Variants in AGBL1 observed in about 807,000 individuals in gnomAD.
AGBL1 encodes AGBL carboxypeptidase 1, also known as cytosolic carboxypeptidase 4.
In AGBL1, 130 loss-of-function variants were observed where a neutral mutation model predicts 118.9. The observed-to-expected ratio is 1.09, with a 90% confidence interval of 0.95 to 1.26. The LOEUF is 1.26. Among genes scored for constraint, AGBL1 ranks in the 50% most tolerant of loss-of-function variants. The probability of loss-of-function intolerance (pLI) is 0.00; values close to 1 mark genes in which losing one functional copy is unlikely to be tolerated. For missense variants in AGBL1, 1,584 were observed against 1,298.1 expected, an observed-to-expected ratio of 1.22 and a Z score of -3.38; for synonymous variants, 555 against 478.9, an observed-to-expected ratio of 1.16 and a Z score of -2.08.
In AGBL1 at chr15:86,572,737, T is replaced by C. The variant is rs371355530; in HGVS notation, c.2994+18200T>C. Among the ~76,000 whole-genome samples the C allele has an allele frequency of 2.3e-3, 357 of 152,312 alleles. 9 individuals are homozygous for C. In the South Asian group the frequency reaches 0.07, roughly 30 times the overall value. On this transcript the variant is annotated intron_variant, in intron 21 of 22. Transcript: ENST00000614907. ...CAGCTGCTCCCGCAGCTTCTCCAGC[T>C]GCCACCGCCTGCGCTTCGCTGCTTC...
At chr15:86,980,510 CAAT>C (rs2141720417) in intron 23 of AGBL1, among the ~76,000 whole-genome samples, 1 of 152,244 alleles carries the variant, frequency 6.6e-6, no homozygotes, top group East Asian at 1.9e-4. Context: ...AATCCTCTGT[CAAT>C]GATACTTAAA....
chr15:86,443,665 C>T (rs1317666676), intron 18 of AGBL1, among the ~76,000 whole-genome samples: 1 of 152,188 alleles, frequency 6.6e-6, no homozygotes, highest in African/African-American at 2.4e-5. Context: ...ATGAGATCAA[C>T]ATTTTTAGCT....
At chr15:86,147,604 G>A (rs1423185999) in intron 3 of AGBL1, among the ~76,000 whole-genome samples, 1 of 152,162 alleles carries the variant, frequency 6.6e-6, no homozygotes, top group African/African-American at 2.4e-5. Flanking sequence ...ACAAAGCCGG[G>A]AAGCTCCAAC....
intron 18 of AGBL1, among the ~76,000 whole-genome samples, chr15:86,489,248 A>T (rs2082749507): frequency 6.6e-6 from 1 of 152,082 alleles, no homozygotes; most frequent in Non-Finnish European, 1.5e-5. Context: ...ATTTGCTTTT[A>T]TATTTGCAGG....
chr15:86,505,896 A>T (rs2082971101), intron 18 of AGBL1, among the ~76,000 whole-genome samples: 1 of 151,970 alleles, frequency 6.6e-6, no homozygotes, highest in Non-Finnish European at 1.5e-5. Flanking sequence ...TAATGTTGCA[A>T]TTCTGGAAAT....
intron 3 of AGBL1, among the ~76,000 whole-genome samples, chr15:86,148,113 C>T (rs1194866409): frequency 6.6e-6 from 1 of 152,196 alleles, no homozygotes. Context: ...TACACCAAAA[C>T]CTCATCTGTA....
At chr15:86,651,376 A>G (rs2085366433) in intron 21 of AGBL1, among the ~76,000 whole-genome samples, 1 of 152,198 alleles carries the variant, frequency 6.6e-6, no homozygotes, top group Admixed American at 6.5e-5. Flanking sequence ...ACACTTCTGT[A>G]TCAAAGAGAT....
intron 22 of AGBL1, among the ~76,000 whole-genome samples, chr15:86,881,596 CAT>C (rs1220478185): frequency 6.6e-6 from 1 of 152,114 alleles, no homozygotes; most frequent in Non-Finnish European, 1.5e-5. Context: ...AATACCTTTA[CAT>C]GGCCAGGGGA....
chr15:86,749,208 C>T (rs1157996802), intron 22 of AGBL1, among the ~76,000 whole-genome samples: 2 of 152,104 alleles, frequency 1.3e-5, no homozygotes, highest in Non-Finnish European at 2.9e-5. Context: ...TGTAGTTCTC[C>T]TTGAAGAGGT....
chr15:86,278,881 G>T (rs146303409), intron 15 of AGBL1, among the ~76,000 whole-genome samples: 1 of 152,260 alleles, frequency 6.6e-6, no homozygotes, highest in East Asian at 1.9e-4. Context: ...ATCAAAATTG[G>T]TTCTTCATCT....
chr15:86,493,014 C>T (rs185859370), intron 18 of AGBL1, among the ~76,000 whole-genome samples: 5 of 152,146 alleles, frequency 3.3e-5, no homozygotes, highest in East Asian at 2.0e-4. Context: ...GCCAACATGG[C>T]GAAACCTCAC....
intron 22 of AGBL1, among the ~76,000 whole-genome samples, chr15:86,747,399 A>T (rs1301413875): frequency 6.6e-6 from 1 of 152,172 alleles, no homozygotes; most frequent in Non-Finnish European, 1.5e-5. Context: ...TAAAAATAAT[A>T]AAACATACAA....
At chr15:86,580,374 CAT>C (rs1277864064) in intron 21 of AGBL1, among the ~76,000 whole-genome samples, 1 of 151,752 alleles carries the variant, frequency 6.6e-6, no homozygotes, top group African/African-American at 2.4e-5. Context: ...ACTATGTATA[CAT>C]ATATATATAT....
At chr15:86,304,292 C>G (rs16975487) in intron 17 of AGBL1, among the ~76,000 whole-genome samples, 5,485 of 152,242 alleles carry the variant, frequency 0.036, 347 homozygotes, top group African/African-American at 0.13. Context: ...CACTGGGTCT[C>G]TATATCTGCT....
At chr15:86,948,046 T>C (rs545222166) in intron 23 of AGBL1, among the ~76,000 whole-genome samples, 2 of 152,190 alleles carry the variant, frequency 1.3e-5, no homozygotes, top group Non-Finnish European at 2.9e-5. Context: ...GCCTTTCAAT[T>C]CTGCAATTCT....
chr15:86,554,331 A>T, intron 20 of AGBL1, 30 bp from the exon 21 acceptor site: 1 of 1,519,014 alleles, frequency 6.6e-7, no homozygotes, highest in Non-Finnish European at 8.9e-7. Context: ...CCCACAACTA[A>T]TCATCGTTTG....
rs546751798 is a variant in AGBL1, at chr15:86,884,662, AT to A, written c.3159-22424del. ...CCCTTCCTCTACCAAAAATACCAAA[AT>A]CAGCCAGATCTGGTGGTGTGCACCT... On this transcript the variant is annotated intron_variant, in intron 22 of 22. Transcript: ENST00000614907. 5.3e-5 allele frequency among the ~76,000 whole-genome samples: 8 copies of A among 152,160 alleles called. No homozygotes were observed. In the South Asian group the frequency reaches 1.7e-3, roughly 32 times the overall value.
At chr15:86,690,583 G>A (rs2086146768) in intron 22 of AGBL1, among the ~76,000 whole-genome samples, 1 of 152,136 alleles carries the variant, frequency 6.6e-6, no homozygotes, top group Non-Finnish European at 1.5e-5. Flanking sequence ...AAGGAACTGG[G>A]ATTTGTTTGA....
intron 17 of AGBL1, among the ~76,000 whole-genome samples, chr15:86,383,442 G>A (rs1409197912): frequency 6.6e-6 from 1 of 151,642 alleles, no homozygotes; most frequent in Non-Finnish European, 1.5e-5. Flanking sequence ...GCAAAAATTA[G>A]TCGGGCATGG....
Sources: gnomAD v4.1 joint callset for allele counts (sites outside exome capture counted in the v4.1 genomes callset) on GRCh38, gnomAD v4.1.1 for gene constraint, MANE v1.5 for transcripts, NCBI Gene and HGNC (gene_info 2026-07-23, HGNC 2026-07-21) for gene names.